Variants in C10orf90 observed in about 807,000 individuals in gnomAD.
The protein encoded by C10orf90 is chromosome 10 open reading frame 90.
C10orf90 carries 56 observed loss-of-function variants against 62.5 expected under a neutral mutation model. That is an observed-to-expected ratio of 0.90 (90% CI 0.72 to 1.12). The LOEUF (loss-of-function observed/expected upper bound fraction) is 1.12, where lower values mean the gene tolerates loss of function less well. C10orf90 is among the 50% of genes most tolerant of loss of function. The pLI is 0.00. For missense variants in C10orf90, 970 were observed against 880.4 expected (o/e 1.10, Z -1.29); for synonymous variants, 386 against 340.4 (o/e 1.13, Z -1.47).
Position 126,598,230 on chromosome 10 carries a change from G to A in C10orf90, c.313+48335C>T, listed in dbSNP as rs894862054. Among the ~76,000 whole-genome samples, 5 of 152,114 alleles carry A rather than the reference G, an allele frequency of 3.3e-5. No homozygotes were observed. In the East Asian group the frequency reaches 5.8e-4, roughly 18 times the overall value. On this transcript the variant is annotated intron_variant, in intron 2 of 9. Transcript: ENST00000488181. Reference sequence around the variant, plus strand: ...GCTGGTCCCATACACAGGATGCTGCGCACTACCCACTCCTGGCCCTTCTCC... The same window carrying A: ...GCTGGTCCCATACACAGGATGCTGCACACTACCCACTCCTGGCCCTTCTCC...
intron 1 of C10orf90, among the ~76,000 whole-genome samples, chr10:126,667,434 G>A (rs1312047035): frequency 6.6e-6 from 1 of 152,134 alleles, no homozygotes; most frequent in South Asian, 2.1e-4. Flanking sequence ...AAAATATCAG[G>A]AGGCATGGCC....
intron 4 of C10orf90, among the ~76,000 whole-genome samples, chr10:126,476,163 G>C (rs1860850591): frequency 6.6e-6 from 1 of 152,168 alleles, no homozygotes; most frequent in Non-Finnish European, 1.5e-5. Context: ...CAAGGCTGCA[G>C]GATTCCCGTG....
chr10:126,597,189 C>G (rs975610575), intron 2 of C10orf90, among the ~76,000 whole-genome samples: 1 of 152,182 alleles, frequency 6.6e-6, no homozygotes, highest in Non-Finnish European at 1.5e-5. Context: ...ACCCAGCAAA[C>G]CCACTCCTAC....
At chr10:126,451,695 G>GATAT (rs5788789) in intron 7 of C10orf90, among the ~76,000 whole-genome samples, 4 of 150,990 alleles carry the variant, frequency 2.6e-5, no homozygotes, top group African/African-American at 7.3e-5. Context: ...ATAGTCTATT[G>GATAT]ATATATATAT....
chr10:126,594,334 A>G (rs1845041640), intron 2 of C10orf90, among the ~76,000 whole-genome samples: 1 of 152,180 alleles, frequency 6.6e-6, no homozygotes, highest in African/African-American at 2.4e-5. Context: ...GTAAATACTC[A>G]GAGAAAGGAC....
chr10:126,617,498 C>A (rs1159990020), intron 2 of C10orf90, among the ~76,000 whole-genome samples: 1 of 152,220 alleles, frequency 6.6e-6, no homozygotes, highest in Non-Finnish European at 1.5e-5. Context: ...GCTTGGGATC[C>A]TCAGCTTCTC....
intron 2 of C10orf90, among the ~76,000 whole-genome samples, chr10:126,630,548 C>T (rs560744358): frequency 6.6e-5 from 10 of 152,226 alleles, no homozygotes; most frequent in African/African-American, 2.4e-4. Flanking sequence ...CAAGCCAAGT[C>T]CGTCTGATAG....
intron 1 of C10orf90, among the ~76,000 whole-genome samples, chr10:126,669,242 C>T (rs1038981081): frequency 6.6e-6 from 1 of 152,190 alleles, no homozygotes; most frequent in African/African-American, 2.4e-5. Flanking sequence ...ATTTCTGTGG[C>T]CTTTACATCT....
chr10:126,658,142 C>T (rs1315291137), intron 1 of C10orf90, among the ~76,000 whole-genome samples: 1 of 152,118 alleles, frequency 6.6e-6, no homozygotes, highest in African/African-American at 2.4e-5. Flanking sequence ...GTTGAAATGC[C>T]GACAGCCATG....
At position 126,425,678 on chromosome 10, in the gene C10orf90, G is replaced by A. The variant is rs970965293; in HGVS notation, c.*186C>T. On this transcript the variant is annotated 3_prime_UTR_variant, in exon 10 of 10. Coordinates refer to ENST00000488181, the MANE Select transcript of C10orf90 (RefSeq NM_001350921.2). ...CAACAGATTGTTGACCTATTTTCTCGAGGGTTATTGTTTCTGTTTGGCTTG... is the reference window on the plus strand; with the variant it reads ...CAACAGATTGTTGACCTATTTTCTCAAGGGTTATTGTTTCTGTTTGGCTTG... The A allele has an allele frequency of 1.8e-5, 11 of 620,148 alleles. No individual in the cohort carries two copies. The highest frequency in any genetic ancestry group is 5.5e-5 in the African/African-American group (3 of 54,162). 38.4% of individuals were successfully genotyped at this position (620,148 alleles called of 1,614,324 possible).
chr10:126,545,184 T>A (rs1864463693), intron 2 of C10orf90, among the ~76,000 whole-genome samples: 1 of 152,024 alleles, frequency 6.6e-6, no homozygotes, highest in African/African-American at 2.4e-5. Context: ...CTCCCTCTGA[T>A]CTCTCTCATC....
At chr10:126,463,762 C>A (rs1294379305) in intron 5 of C10orf90, among the ~76,000 whole-genome samples, 3 of 152,238 alleles carry the variant, frequency 2.0e-5, no homozygotes, top group Admixed American at 6.5e-5. Context: ...GTGTCAGGGG[C>A]CGTCCTCGGC....
intron 4 of C10orf90, among the ~76,000 whole-genome samples, chr10:126,484,607 A>G (rs1387555693): frequency 6.6e-6 from 1 of 152,248 alleles, no homozygotes; most frequent in African/African-American, 2.4e-5. Flanking sequence ...ACTCTCCTAC[A>G]TTGCTAATGG....
At chr10:126,561,583 TCTC>T (rs1169448236) in intron 2 of C10orf90, among the ~76,000 whole-genome samples, 9 of 152,106 alleles carry the variant, frequency 5.9e-5, no homozygotes, top group Non-Finnish European at 1.2e-4. Context: ...AGATTTTCAC[TCTC>T]CGTGCTGCAG....
chr10:126,474,885 A>G (rs1442168073), intron 4 of C10orf90, among the ~76,000 whole-genome samples: 3 of 152,166 alleles, frequency 2.0e-5, no homozygotes, highest in Non-Finnish European at 4.4e-5. Flanking sequence ...TCATCGGCTC[A>G]TTTGCTTTGT....
intron 2 of C10orf90, among the ~76,000 whole-genome samples, chr10:126,536,722 T>C (rs577158096): frequency 6.0e-4 from 91 of 152,304 alleles, no homozygotes; most frequent in African/African-American, 2.1e-3. Flanking sequence ...TGAATTCATT[T>C]GGGGCCCTCG....
chr10:126,564,097 C>T (rs555868672), intron 2 of C10orf90, among the ~76,000 whole-genome samples: 19 of 152,254 alleles, frequency 1.2e-4, no homozygotes, highest in Non-Finnish European at 2.4e-4. Flanking sequence ...GGCTCCCACT[C>T]GCTATCTGTC....
At chr10:126,612,511 C>T (rs1237035837) in intron 2 of C10orf90, among the ~76,000 whole-genome samples, 1 of 152,118 alleles carries the variant, frequency 6.6e-6, no homozygotes, top group Non-Finnish European at 1.5e-5. Flanking sequence ...GTCTCCAGAC[C>T]CCCTCCGCTG....
Position 126,573,101 on chromosome 10 carries a change from T to A in C10orf90, c.314-59162A>T, listed in dbSNP as rs184630122. On this transcript the variant is annotated intron_variant, in intron 2 of 9. Transcript: ENST00000488181. ...TATTCAGCTGGGAGCATCAGCAGAC[T>A]CACGTCTCCAAAAACCGAGCTCCCC... Among the ~76,000 whole-genome samples the A allele has an allele frequency of 1.4e-3, 212 of 152,226 alleles. 1 individual carries two copies. The highest frequency in any genetic ancestry group is 4.9e-3 in the African/African-American group (204 of 41,544).
Sources: allele counts gnomAD v4.1 joint callset (sites outside exome capture counted in the v4.1 genomes callset), GRCh38; gene constraint gnomAD v4.1.1; transcripts MANE v1.5; gene names NCBI Gene and HGNC (gene_info 2026-07-23, HGNC 2026-07-21).